The following RBM26 variants were observed in gnomAD, a reference collection of about 807,000 sequenced individuals.
RBM26 encodes RNA binding motif protein 26.
In RBM26, 30 loss-of-function variants were observed where a neutral mutation model predicts 123.6. The observed-to-expected ratio is 0.24, with a 90% CI of 0.18 to 0.33. The LOEUF (loss-of-function observed/expected upper bound fraction) is 0.33. Among genes scored for constraint, RBM26 ranks in the 10% least tolerant of loss-of-function variants. RBM26 has a pLI of 1.00. For synonymous variants in RBM26, 400 were observed against 404.4 expected (o/e 0.99, Z 0.13); for missense variants, 947 against 1,203.6 (o/e 0.79, Z 3.15).
chr13:79,362,884 C>G (rs556840824), intron 9 of RBM26, among the ~76,000 whole-genome samples: 4 of 152,188 alleles, frequency 2.6e-5, no homozygotes, highest in Non-Finnish European at 2.9e-5. Flanking sequence ...GAAGCAAGTT[C>G]CTCTTGGTAT....
intron 3 of RBM26, among the ~76,000 whole-genome samples, chr13:79,372,821 T>C (rs1484968783): frequency 9.5e-6 from 1 of 105,106 alleles, no homozygotes; most frequent in South Asian, 2.3e-4. Context: ...ATATTTATAA[T>C]AAATATTTTA....
At chr13:79,374,318 A>G (rs887318927) in intron 3 of RBM26, among the ~76,000 whole-genome samples, 1 of 152,052 alleles carries the variant, frequency 6.6e-6, no homozygotes, top group Non-Finnish European at 1.5e-5. Flanking sequence ...AAAATACAAA[A>G]ATTAGCTGGG....
At chr13:79,395,523 T>C (rs1007627814) in intron 1 of RBM26, among the ~76,000 whole-genome samples, 3 of 152,072 alleles carry the variant, frequency 2.0e-5, no homozygotes, top group Admixed American at 6.6e-5. Flanking sequence ...GAGGATTACT[T>C]GACACCAGAA....
intron 14 of RBM26, among the ~76,000 whole-genome samples, chr13:79,351,750 A>G (rs1204352704): frequency 2.0e-5 from 3 of 152,178 alleles, no homozygotes; most frequent in African/African-American, 2.4e-5. Flanking sequence ...AGAATTATTG[A>G]GTTATCGATG....
chr13:79,348,411 G>A (rs1263579272), intron 14 of RBM26, among the ~76,000 whole-genome samples: 1 of 151,950 alleles, frequency 6.6e-6, no homozygotes, highest in Non-Finnish European at 1.5e-5. Context: ...ATAACTATAA[G>A]TAATCGTAAA....
At chr13:79,339,338 T>C (rs1342510492) in intron 18 of RBM26, among the ~76,000 whole-genome samples, 1 of 152,112 alleles carries the variant, frequency 6.6e-6, no homozygotes, top group Non-Finnish European at 1.5e-5. Flanking sequence ...TAGAGATCTA[T>C]TGTACAGCAC....
intron 3 of RBM26, among the ~76,000 whole-genome samples, chr13:79,374,138 C>G (rs1340067970): frequency 1.3e-5 from 2 of 151,950 alleles, no homozygotes; most frequent in African/African-American, 2.4e-5. Flanking sequence ...GCCAGCTGTT[C>G]CAGCATCCTT....
chr13:79,392,920 T>C (rs957592373), intron 1 of RBM26, among the ~76,000 whole-genome samples: 3 of 152,040 alleles, frequency 2.0e-5, no homozygotes, highest in African/African-American at 7.2e-5. Context: ...TCTGACTCCA[T>C]AGATGGAGGT....
intron 1 of RBM26, among the ~76,000 whole-genome samples, chr13:79,394,182 G>C (rs1166900407): frequency 6.6e-6 from 1 of 152,150 alleles, no homozygotes; most frequent in Non-Finnish European, 1.5e-5. Flanking sequence ...ACACTAACTG[G>C]AACTGCCGCT....
intron 8 of RBM26, 107 bp from the exon 9 acceptor site, chr13:79,365,825 C>T: frequency 1.0e-6 from 1 of 1,004,366 alleles, no homozygotes; most frequent in Admixed American, 2.6e-5. Flanking sequence ...TAACATATAA[C>T]ATGCTCTATA....
chr13:79,313,876 A>C (rs1025494031), downstream of RBM26: 1 of 146,106 alleles, frequency 6.8e-6, no homozygotes, highest in African/African-American at 2.5e-5. Flanking sequence ...TTTGCACCAA[A>C]AAAAAAAAAA....
chr13:79,355,431 T>G (rs1431638149), intron 11 of RBM26, 47 bp from the exon 12 acceptor site: 5 of 1,495,332 alleles, frequency 3.3e-6, no homozygotes. Flanking sequence ...AGGAATCTGT[T>G]GCTTCATAGA....
intron 11 of RBM26, among the ~76,000 whole-genome samples, chr13:79,355,696 A>G (rs2139558237): frequency 6.6e-6 from 1 of 152,328 alleles, no homozygotes; most frequent in South Asian, 2.1e-4. Flanking sequence ...AACAATCCCT[A>G]TTGTCAATAA....
intron 9 of RBM26, among the ~76,000 whole-genome samples, chr13:79,360,267 CGAG>C (rs2139702512): frequency 6.6e-6 from 1 of 152,052 alleles, no homozygotes; most frequent in South Asian, 2.1e-4. Context: ...GTTTTACACA[CGAG>C]GAGTCTTGGA....
chr13:79,395,565 C>G (rs1280744731), intron 1 of RBM26, among the ~76,000 whole-genome samples: 1 of 151,920 alleles, frequency 6.6e-6, no homozygotes, highest in Non-Finnish European at 1.5e-5. Context: ...TATAGTGAGA[C>G]CCCATCTCTA....
intron 18 of RBM26, among the ~76,000 whole-genome samples, chr13:79,338,078 G>A (rs1374810473): frequency 6.6e-6 from 1 of 152,084 alleles, no homozygotes; most frequent in Non-Finnish European, 1.5e-5. Flanking sequence ...AATTAGCCAG[G>A]CGTAGTGCCT....
intron 1 of RBM26, among the ~76,000 whole-genome samples, chr13:79,405,474 T>A (rs78714551): frequency 6.6e-6 from 1 of 151,588 alleles, no homozygotes; most frequent in Non-Finnish European, 1.5e-5. Context: ...ACGGTCTATA[T>A]ATAACGGGAA....
At chr13:79,345,314 G>A (rs1264572930) in intron 14 of RBM26, among the ~76,000 whole-genome samples, 1 of 151,828 alleles carries the variant, frequency 6.6e-6, no homozygotes, top group East Asian at 1.9e-4. Context: ...CTTAGGTTCA[G>A]CCTAACACAA....
At chr13:79,390,522 A>T (rs2077870681) in intron 1 of RBM26, among the ~76,000 whole-genome samples, 1 of 152,194 alleles carries the variant, frequency 6.6e-6, no homozygotes, top group African/African-American at 2.4e-5. Flanking sequence ...GGTTACAAAA[A>T]TGTATACACT....
Sources: gnomAD v4.1 joint callset for allele counts (sites outside exome capture counted in the v4.1 genomes callset) on GRCh38, gnomAD v4.1.1 for gene constraint, MANE v1.5 for transcripts, NCBI Gene and HGNC (gene_info 2026-07-23, HGNC 2026-07-21) for gene names.